The following NPY2R variants were observed in gnomAD, a reference collection of about 807,000 sequenced individuals.
The protein encoded by NPY2R is neuropeptide Y receptor type 2.
Under a neutral mutation model 22.3 loss-of-function variants are expected in NPY2R, and 17 were observed. The observed-to-expected ratio is 0.76, with a 90% confidence interval of 0.52 to 1.14. The LOEUF (loss-of-function observed/expected upper bound fraction) is 1.14. Ranked by LOEUF, NPY2R falls within the 50% of genes most tolerant of loss-of-function variation. NPY2R has a pLI of 0.00. For synonymous variants in NPY2R, 209 were observed against 183.4 expected, an observed-to-expected ratio of 1.14 and a Z score of -1.13; for missense variants, 424 against 467.9, an observed-to-expected ratio of 0.91 and a Z score of 0.87.
At chr4:155,182,583 G>C in the NPY2R span, among the ~76,000 whole-genome samples, 1 of 152,090 alleles carries the variant, frequency 6.6e-6, no homozygotes, top group African/African-American at 2.4e-5. Context: ...CCTCTCTCAG[G>C]CCACAATAGG....
the NPY2R span, among the ~76,000 whole-genome samples, chr4:155,198,172 C>G: frequency 5.9e-5 from 9 of 151,960 alleles, no homozygotes; most frequent in East Asian, 1.7e-3. Flanking sequence ...CTGGGCTTTC[C>G]TCTAAAATGT....
the NPY2R span, among the ~76,000 whole-genome samples, chr4:155,194,907 G>T: frequency 1.3e-5 from 2 of 151,848 alleles, no homozygotes; most frequent in Admixed American, 1.3e-4. Context: ...GCTATTTTCT[G>T]ACTTTTTCAT....
At chr4:155,211,353 G>T (rs945093935) in intron 1 of NPY2R, among the ~76,000 whole-genome samples, 2 of 152,122 alleles carry the variant, frequency 1.3e-5, no homozygotes, top group African/African-American at 4.8e-5. Flanking sequence ...TAACTGAGAG[G>T]CTTCCCAGTT....
At chr4:155,174,620 T>C in the NPY2R span, among the ~76,000 whole-genome samples, 1 of 151,656 alleles carries the variant, frequency 6.6e-6, no homozygotes, top group African/African-American at 2.4e-5. Flanking sequence ...AAAAATTACA[T>C]TTTGGGAACT....
At chr4:155,183,945 G>A in the NPY2R span, among the ~76,000 whole-genome samples, 1 of 152,110 alleles carries the variant, frequency 6.6e-6, no homozygotes, top group African/African-American at 2.4e-5. Flanking sequence ...AATGACAACT[G>A]TAAGTTCCAT....
At chr4:155,187,418 A>G in the NPY2R span, among the ~76,000 whole-genome samples, 1 of 152,316 alleles carries the variant, frequency 6.6e-6, no homozygotes, top group African/African-American at 2.4e-5. Flanking sequence ...TTATTGAGGA[A>G]TAACATTTTG....
chr4:155,206,447 A>G (rs1248204418), upstream of NPY2R: 1 of 152,238 alleles, frequency 6.6e-6, no homozygotes, highest in South Asian at 2.1e-4. Flanking sequence ...ACTGTGATGC[A>G]CAAAAGTGTC....
At chr4:155,200,772 A>G in the NPY2R span, among the ~76,000 whole-genome samples, 1 of 152,192 alleles carries the variant, frequency 6.6e-6, no homozygotes, top group African/African-American at 2.4e-5. Context: ...CAAACACTGC[A>G]TGTTCTCACC....
chr4:155,191,792 C>T, the NPY2R span, among the ~76,000 whole-genome samples: 1 of 151,812 alleles, frequency 6.6e-6, no homozygotes, highest in Non-Finnish European at 1.5e-5. Flanking sequence ...TTATTTTTCA[C>T]ATGTCAACAC....
chr4:155,177,021 TA>T, the NPY2R span, among the ~76,000 whole-genome samples: 5 of 152,118 alleles, frequency 3.3e-5, no homozygotes, highest in Non-Finnish European at 7.4e-5. Flanking sequence ...GAAGAGAAAT[TA>T]AGTGTTAACA....
the NPY2R span, among the ~76,000 whole-genome samples, chr4:155,181,728 C>T: frequency 1.3e-5 from 2 of 152,136 alleles, no homozygotes; most frequent in African/African-American, 2.4e-5. Context: ...TCTTGGACTT[C>T]CTAGCCCCTA....
chr4:155,184,933 A>G, the NPY2R span, among the ~76,000 whole-genome samples: 1 of 148,804 alleles, frequency 6.7e-6, no homozygotes, highest in East Asian at 1.9e-4. Context: ...TTTTAAATAC[A>G]TAGTCTGCTA....
At chr4:155,212,456 C>A (rs1447397715) in intron 1 of NPY2R, among the ~76,000 whole-genome samples, 1 of 151,872 alleles carries the variant, frequency 6.6e-6, no homozygotes, top group Non-Finnish European at 1.5e-5. Flanking sequence ...AATGTGAGAG[C>A]CTTAGAGTAG....
the NPY2R span, among the ~76,000 whole-genome samples, chr4:155,179,477 A>T: frequency 6.6e-6 from 1 of 152,172 alleles, no homozygotes; most frequent in South Asian, 2.1e-4. Flanking sequence ...TAGAGTAGTC[A>T]CTACCCTTGG....
Position 155,214,538 on chromosome 4 carries a change from T to C in NPY2R, c.599T>C (p.Ile200Thr), listed in dbSNP as rs1391700473. 2 of 1,614,046 alleles carry C rather than the reference T, an allele frequency of 1.2e-6. No individual in the cohort carries two copies. Among genetic ancestry groups the C allele is most frequent in the Non-Finnish European group, 8.5e-7 (1 of 1,180,018 alleles). Residue 200 changes from isoleucine to threonine, a missense_variant, in exon 2 of 2, where the codon ATT (isoleucine) becomes ACT (threonine). Coordinates refer to ENST00000329476, the MANE Select transcript of NPY2R (RefSeq NM_000910.4). ...ATTGAGATCATCCCGGACTTTGAGA[T>C]TGTGGCCTGTACTGAAAAGTGGCCT... is the stretch of plus-strand genomic sequence containing the variant. ...SLIEIIPDFE[I>T]VACTEKWPGE...
At chr4:155,202,805 A>G in the NPY2R span, among the ~76,000 whole-genome samples, 6 of 152,170 alleles carry the variant, frequency 3.9e-5, no homozygotes, top group African/African-American at 1.4e-4. Context: ...AAAAATATAT[A>G]TCAAATTATG....
chr4:155,177,702 A>G, the NPY2R span, among the ~76,000 whole-genome samples: 8 of 151,962 alleles, frequency 5.3e-5, no homozygotes, highest in Non-Finnish European at 1.0e-4. Flanking sequence ...GGGATCCTTC[A>G]AAATCTAGGT....
intron 1 of NPY2R, among the ~76,000 whole-genome samples, chr4:155,212,728 C>T (rs183981201): frequency 2.0e-5 from 3 of 152,180 alleles, no homozygotes; most frequent in East Asian, 1.9e-4. Context: ...GTTGTAGAAA[C>T]GATGAGAAAA....
the NPY2R span, among the ~76,000 whole-genome samples, chr4:155,185,070 C>T: frequency 2.0e-5 from 3 of 148,022 alleles, no homozygotes; most frequent in African/African-American, 7.5e-5. Context: ...GATGGAGTCT[C>T]GCTCTGTCAC....
Sources: gnomAD v4.1 joint callset for allele counts (sites outside exome capture counted in the v4.1 genomes callset) on GRCh38, gnomAD v4.1.1 for gene constraint, MANE v1.5 for transcripts, NCBI Gene and HGNC (gene_info 2026-07-23, HGNC 2026-07-21) for gene names.